The following XKR6 variants were observed in gnomAD, a reference collection of about 807,000 sequenced individuals.
XKR6 encodes XK-related protein 6.
In XKR6, 22 loss-of-function variants were observed where a neutral mutation model predicts 56.7. The observed-to-expected ratio is 0.39, with a 90% CI of 0.28 to 0.55. The LOEUF (loss-of-function observed/expected upper bound fraction) is 0.55. Ranked by LOEUF, XKR6 falls within the 20% of genes least tolerant of loss-of-function variation. The probability of loss-of-function intolerance (pLI) is 0.66; values close to 1 mark genes in which losing one functional copy is unlikely to be tolerated. For synonymous variants in XKR6, 524 were observed against 387.8 expected, an observed-to-expected ratio of 1.35 and a Z score of -4.13; for missense variants, 852 against 889.0, an observed-to-expected ratio of 0.96 and a Z score of 0.53.
At chr8:11,167,024 C>T (rs939469663) in intron 1 of XKR6, among the ~76,000 whole-genome samples, 5 of 152,136 alleles carry the variant, frequency 3.3e-5, no homozygotes, top group East Asian at 1.9e-4. Context: ...GCGTGTGTGG[C>T]GGTGGTAGAA....
chr8:11,140,195 T>A (rs563925579), intron 1 of XKR6, among the ~76,000 whole-genome samples: 2 of 149,462 alleles, frequency 1.3e-5, no homozygotes, highest in South Asian at 4.2e-4. Flanking sequence ...AGGCAAAGAA[T>A]ACCTGAAACA....
chr8:11,166,822 C>A (rs1802100366), intron 1 of XKR6, among the ~76,000 whole-genome samples: 2 of 152,186 alleles, frequency 1.3e-5, no homozygotes, highest in Non-Finnish European at 1.5e-5. Context: ...ATCCAACCGC[C>A]TCGACCTCTC....
rs796710527 is a variant in XKR6, at chr8:11,016,459, C to T, written c.765-91629G>A. Among the ~76,000 whole-genome samples the T allele has an allele frequency of 1.7e-4, 26 of 152,296 alleles. 1 individual carries two copies. Among genetic ancestry groups the T allele is most frequent in the African/African-American group, 5.1e-4 (21 of 41,580 alleles). ...GGTCTGGGGGCGGGGTCTCTCGAGG[C>T]GCAGACAACAAGCTAGATCCTGAGC... On this transcript the variant is annotated intron_variant, in intron 1 of 2. Transcript: ENST00000416569.
intron 1 of XKR6, among the ~76,000 whole-genome samples, chr8:11,132,931 T>G (rs1800185784): frequency 6.6e-6 from 1 of 151,892 alleles, no homozygotes; most frequent in South Asian, 2.1e-4. Context: ...GCTTTTCAAT[T>G]TAGACTAAAA....
At chr8:11,008,114 G>A (rs1354768325) in intron 1 of XKR6, among the ~76,000 whole-genome samples, 3 of 152,154 alleles carry the variant, frequency 2.0e-5, no homozygotes, top group Non-Finnish European at 2.9e-5. Context: ...AGGCTGCCAC[G>A]TTTACTCTTT....
chr8:11,134,060 T>C (rs1289635753), intron 1 of XKR6, among the ~76,000 whole-genome samples: 1 of 152,204 alleles, frequency 6.6e-6, no homozygotes, highest in East Asian at 1.9e-4. Flanking sequence ...AACGTGCTGC[T>C]GTTCTATATA....
At chr8:11,122,449 G>C (rs887309963) in intron 1 of XKR6, among the ~76,000 whole-genome samples, 3 of 152,260 alleles carry the variant, frequency 2.0e-5, no homozygotes, top group Non-Finnish European at 2.9e-5. Context: ...AGCATGGCTA[G>C]ATTTTGGCCC....
intron 1 of XKR6, among the ~76,000 whole-genome samples, chr8:11,018,552 AAAG>A (rs758612460): frequency 3.3e-5 from 5 of 152,144 alleles, no homozygotes; most frequent in Non-Finnish European, 1.5e-5. Context: ...GAAAACTACC[AAAG>A]AAGTTTTTGG....
intron 1 of XKR6, among the ~76,000 whole-genome samples, chr8:10,961,738 T>C (rs1478203344): frequency 4.6e-5 from 7 of 152,160 alleles, no homozygotes; most frequent in Admixed American, 3.3e-4. Context: ...GTTTGCTCCT[T>C]TTAGCTTTTT....
rs190782486 is a variant in XKR6, at chr8:11,116,078, C to A, written c.764+84498G>T. ...CAATAAGCTTTGAAAGTACATTTCC[C>A]ACGGATGTTCGTAAGATGATTCTTA... On this transcript the variant is annotated intron_variant, in intron 1 of 2. Coordinates refer to ENST00000416569, the MANE Select transcript of XKR6 (RefSeq NM_173683.4). Among the ~76,000 whole-genome samples, 225 of 152,264 alleles carry A rather than the reference C, an allele frequency of 1.5e-3. 1 individual carries two copies. The highest frequency in any genetic ancestry group is 2.7e-3 in the Non-Finnish European group (181 of 68,026).
At chr8:11,182,975 T>G (rs1485936986) in intron 1 of XKR6, among the ~76,000 whole-genome samples, 1 of 152,236 alleles carries the variant, frequency 6.6e-6, no homozygotes, top group Non-Finnish European at 1.5e-5. Flanking sequence ...GTGTTTGTCC[T>G]TTTATGGTGG....
At chr8:10,912,566 A>G (rs1211351712) in intron 2 of XKR6, among the ~76,000 whole-genome samples, 1 of 143,206 alleles carries the variant, frequency 7.0e-6, no homozygotes, top group Non-Finnish European at 1.5e-5. Flanking sequence ...GTGTGTATGT[A>G]TATATATGTG....
intron 1 of XKR6, among the ~76,000 whole-genome samples, chr8:11,051,230 A>G (rs963100667): frequency 2.2e-4 from 33 of 151,576 alleles, no homozygotes; most frequent in Non-Finnish European, 3.7e-4. Context: ...CTTCTAGCTC[A>G]CTGGCCCCCG....
chr8:11,154,766 T>TA (rs1266902203), intron 1 of XKR6, among the ~76,000 whole-genome samples: 1 of 152,238 alleles, frequency 6.6e-6, no homozygotes, highest in Non-Finnish European at 1.5e-5. Flanking sequence ...TCTCTGCCTA[T>TA]AAACAGGGTC....
intron 1 of XKR6, among the ~76,000 whole-genome samples, chr8:10,954,372 G>C (rs1801813210): frequency 6.6e-6 from 1 of 152,206 alleles, no homozygotes; most frequent in Non-Finnish European, 1.5e-5. Context: ...GTGTGACGTG[G>C]TATCACAGTG....
chr8:11,108,727 A>T (rs949958834), intron 1 of XKR6: 1 of 208,566 alleles, frequency 4.8e-6, no homozygotes, highest in Non-Finnish European at 9.6e-6. Flanking sequence ...CAGAGAATCA[A>T]CCACAGATGG....
chr8:11,056,106 C>T (rs946607132), intron 1 of XKR6, among the ~76,000 whole-genome samples: 1 of 152,176 alleles, frequency 6.6e-6, no homozygotes, highest in Non-Finnish European at 1.5e-5. Context: ...CCCGACTCCT[C>T]CTGGACCCAG....
chr8:11,074,379 G>A (rs1586509837), intron 1 of XKR6, among the ~76,000 whole-genome samples: 1 of 152,210 alleles, frequency 6.6e-6, no homozygotes, highest in Non-Finnish European at 1.5e-5. Context: ...CACTGACGAT[G>A]CACCAGCAAG....
At chr8:10,997,545 G>T (rs1484758113) in intron 1 of XKR6, among the ~76,000 whole-genome samples, 1 of 152,176 alleles carries the variant, frequency 6.6e-6, no homozygotes, top group African/African-American at 2.4e-5. Context: ...CATGTACAGA[G>T]TTTCTCCTTA....
Sources: gnomAD v4.1 joint callset for allele counts (sites outside exome capture counted in the v4.1 genomes callset) on GRCh38, gnomAD v4.1.1 for gene constraint, MANE v1.5 for transcripts, NCBI Gene and HGNC (gene_info 2026-07-23, HGNC 2026-07-21) for gene names.